CDK2AP1: variants seen among roughly 807,000 people sequenced by gnomAD.
CDK2AP1 encodes the protein cyclin-dependent kinase 2-associated protein 1.
In CDK2AP1, 10 loss-of-function variants were observed where a neutral mutation model predicts 14.1. That is an observed-to-expected ratio of 0.71 (90% CI 0.44 to 1.20). CDK2AP1 has a LOEUF of 1.20. Ranked by LOEUF, CDK2AP1 falls within the 50% of genes most tolerant of loss-of-function variation. The probability of loss-of-function intolerance (pLI) is 0.00; values close to 1 mark genes in which losing one functional copy is unlikely to be tolerated. For missense variants in CDK2AP1, 102 were observed against 149.9 expected, an observed-to-expected ratio of 0.68 and a Z score of 1.67; for synonymous variants, 59 against 59.8, an observed-to-expected ratio of 0.99 and a Z score of 0.06.
chr12:123,264,852 C>A (rs952743955), intron 3 of CDK2AP1, among the ~76,000 whole-genome samples: 2 of 152,252 alleles, frequency 1.3e-5, no homozygotes, highest in South Asian at 4.1e-4. Context: ...GGACCAGTGT[C>A]GGCCCACAGG....
At chr12:123,272,227 C>G (rs1472833842), upstream of CDK2AP1, 1 of 152,122 alleles carries the variant, frequency 6.6e-6, no homozygotes, top group Non-Finnish European at 1.5e-5. Context: ...CTGGCCAAGC[C>G]CCAGGATTAG....
intron 2 of CDK2AP1, among the ~76,000 whole-genome samples, chr12:123,266,484 C>T (rs2048296010): frequency 6.6e-6 from 1 of 152,280 alleles, no homozygotes; most frequent in Non-Finnish European, 1.5e-5. Context: ...AACACTGGTG[C>T]TGGGGCCCAG....
Position 123,261,468 on chromosome 12 carries a change from G to A in CDK2AP1, c.*268C>T. 1 of 405,242 alleles carries A rather than the reference G, an allele frequency of 2.5e-6. No individual in the cohort carries two copies. Among genetic ancestry groups the A allele is most frequent in the Non-Finnish European group, 4.5e-6 (1 of 221,242 alleles). The allele number at this position is 405,242 out of a possible 1,614,324, so 25.1% of individuals were successfully genotyped here. ...TCTTGGAGGCAAACTACAGTTTGCTGTAAGATAACTTTCCGTGCATCTTTT... is the reference window on the plus strand; with the variant it reads ...TCTTGGAGGCAAACTACAGTTTGCTATAAGATAACTTTCCGTGCATCTTTT... On this transcript the variant is annotated 3_prime_UTR_variant, in exon 4 of 4. Coordinates refer to ENST00000261692, the MANE Select transcript of CDK2AP1 (RefSeq NM_004642.4).
intron 1 of CDK2AP1, chr12:123,270,188 G>C (rs1361005076): frequency 1.0e-6 from 1 of 983,254 alleles, no homozygotes; most frequent in Non-Finnish European, 1.2e-6. Flanking sequence ...TGGCAACAAA[G>C]CCCGTCTTTG....
At chr12:123,270,994 C>A in intron 1 of CDK2AP1, 2 of 983,494 alleles carry the variant, frequency 2.0e-6, no homozygotes, top group South Asian at 9.2e-5. Flanking sequence ...CCATCCTGGT[C>A]CCAGTCCCGG....
Position 123,261,446 on chromosome 12 carries a change from T to C in CDK2AP1, c.*290A>G. ...AGATTAAAGGGAGACAATGGTGTCT[T>C]GGAGGCAAACTACAGTTTGCTGTAA... On this transcript the variant is annotated 3_prime_UTR_variant, in exon 4 of 4. Transcript: ENST00000261692. 2.8e-6 allele frequency: 1 copy of C among 356,328 alleles called. No individual in the cohort carries two copies. The highest frequency in any genetic ancestry group is 3.0e-5 in the South Asian group (1 of 32,868). 22.1% of individuals were successfully genotyped at this position (356,328 alleles called of 1,614,324 possible).
chr12:123,268,429 G>A (rs568680755), intron 1 of CDK2AP1: 4 of 161,894 alleles, frequency 2.5e-5, no homozygotes, highest in African/African-American at 7.2e-5. Context: ...TGGACCTGAA[G>A]GGGTGGCCCC....
At chr12:123,270,171 T>A in intron 1 of CDK2AP1, 2 of 977,532 alleles carry the variant, frequency 2.0e-6, no homozygotes, top group Non-Finnish European at 2.4e-6. Flanking sequence ...CTGCTGGCAG[T>A]CCTACCTGGC....
At chr12:123,268,432 G>C (rs1231839614) in intron 1 of CDK2AP1, 1 of 160,258 alleles carries the variant, frequency 6.2e-6, no homozygotes, top group Non-Finnish European at 1.3e-5. Context: ...ACCTGAAGGG[G>C]TGGCCCCAGG....
chr12:123,264,464 A>C (rs1300671856), intron 3 of CDK2AP1, among the ~76,000 whole-genome samples: 1 of 24,626 alleles, frequency 4.1e-5, no homozygotes, highest in African/African-American at 6.8e-5. Context: ...CCGTCTCCCA[A>C]AAAAAAAAAA....
Position 123,271,713 on chromosome 12 carries a change from GC to G in CDK2AP1, c.-96del, listed in dbSNP as rs1447991302. On this transcript the variant is annotated 5_prime_UTR_variant, in exon 1 of 4. Transcript: ENST00000261692. ...CCGGGCGGTAGCGCTGCAGCCCCGC[GC>G]CCGTCCGAGCGCCCGCCGAGCGCCC... The G allele has an allele frequency of 9.0e-6, 3 of 334,360 alleles. No individual in the cohort carries two copies. 20.7% of individuals were successfully genotyped at this position (334,360 alleles called of 1,614,324 possible).
Position 123,265,251 on chromosome 12 carries a change from C to T in CDK2AP1, c.225G>A (p.Lys75=). The change falls in exon 3 of 4, where the codon AAG becomes AAA. Residue 75 remains lysine, a synonymous_variant. Coordinates refer to ENST00000261692, the MANE Select transcript of CDK2AP1 (RefSeq NM_004642.4). This position sits in a 1 kb window ranked among gnomAD's most constrained non-coding sequence, Gnocchi z 5.3. ...ELLAIIEELG[K]EIRPTYAGSK... is the part of the protein sequence containing the mutation. ...TCCCTGCGTACGTGGGTCTGATCTCCTTCCCCAGCTCTTCAATGATGGCCA... is the reference window on the plus strand; with the variant it reads ...TCCCTGCGTACGTGGGTCTGATCTCTTTCCCCAGCTCTTCAATGATGGCCA... The T allele has an allele frequency of 6.2e-7, 1 of 1,614,202 alleles. No homozygotes were observed. Among genetic ancestry groups the T allele is most frequent in the Non-Finnish European group, 8.5e-7 (1 of 1,180,012 alleles).
At position 123,265,128 on chromosome 12, in the gene CDK2AP1, C is replaced by A. The variant is rs1413434289; in HGVS notation, c.280+68G>T. On this transcript the variant is annotated intron_variant, in intron 3 of 3. Transcript: ENST00000261692. This position sits in a 1 kb window ranked among gnomAD's most constrained non-coding sequence, Gnocchi z 5.3. ...CCTAGCCCACCTTCCCACATTTTCC[C>A]CAAAAGTCTTTCCAGAGTTAAAGGT... 2.5e-6 allele frequency: 4 copies of A among 1,599,504 alleles called. No individual in the cohort carries two copies. The South Asian group carries it at 3.3e-5, about 13-fold the overall frequency.
chr12:123,268,199 G>C, intron 1 of CDK2AP1: 1 of 985,588 alleles, frequency 1.0e-6, no homozygotes, highest in Non-Finnish European at 1.2e-6. Context: ...CCCGCCTGCC[G>C]CCCCCAGAGC....
At chr12:123,267,414 C>T in intron 1 of CDK2AP1, 132 bp from the exon 2 acceptor site, 1 of 660,046 alleles carries the variant, frequency 1.5e-6, no homozygotes, top group Non-Finnish European at 2.8e-6. Context: ...CCCTGCTCTC[C>T]ACCTCCGGTT....
intron 1 of CDK2AP1, among the ~76,000 whole-genome samples, chr12:123,271,356 A>C (rs2048352306): frequency 6.8e-6 from 1 of 146,500 alleles, no homozygotes; most frequent in Non-Finnish European, 1.5e-5. Context: ...CCGCACCCCC[A>C]GCCGAGGCCC....
At position 123,265,170 on chromosome 12, in the gene CDK2AP1, C is replaced by T. The variant is rs930620937; in HGVS notation, c.280+26G>A. ...GTTAAAGGTCTAGCACTGTGGTCAC[C>T]GACAGGGCAGCGGGGCCGGGCTTAC... On this transcript the variant is annotated intron_variant, in intron 3 of 3. Coordinates refer to ENST00000261692, the MANE Select transcript of CDK2AP1 (RefSeq NM_004642.4). The surrounding 1 kb of genome is among the most constrained non-coding windows in gnomAD (Gnocchi z 5.3). 14 of 1,613,612 alleles carry T rather than the reference C, an allele frequency of 8.7e-6. No homozygotes were observed. The East Asian group carries it at 1.6e-4, about 18-fold the overall frequency.
intron 3 of CDK2AP1, among the ~76,000 whole-genome samples, chr12:123,264,504 T>G (rs1441621718): frequency 8.0e-6 from 1 of 125,008 alleles, no homozygotes; most frequent in Non-Finnish European, 1.6e-5. Context: ...GCCCCAAGTC[T>G]CCCCTCATCT....
At chr12:123,264,462 C>CAAAAAAAAAAAAAAAAAAAAAAAAAA (rs1167157405) in intron 3 of CDK2AP1, among the ~76,000 whole-genome samples, 4 of 69,888 alleles carry the variant, frequency 5.7e-5, no homozygotes, top group African/African-American at 1.4e-4. Flanking sequence ...CTCCGTCTCC[C>CAAAAAAAAAAAAAAAAAAAAAAAAAA]AAAAAAAAAA....
Sources: gnomAD v4.1 joint callset for allele counts (sites outside exome capture counted in the v4.1 genomes callset) on GRCh38, gnomAD v4.1.1 for gene constraint, Gnocchi (gnomAD v3.1) non-coding constraint, MANE v1.5 for transcripts, NCBI Gene and HGNC (gene_info 2026-07-23, HGNC 2026-07-21) for gene names.